Variants in MAST2 observed in about 807,000 individuals in gnomAD.
MAST2 encodes microtubule-associated serine/threonine-protein kinase 2.
A neutral mutation model predicts 147.4 loss-of-function variants in MAST2; 70 were observed. The ratio of observed to expected loss-of-function variants is 0.47; its 90% CI spans 0.39 to 0.58. MAST2 has a LOEUF of 0.58. MAST2 is among the 20% of genes least tolerant of loss of function. The probability of loss-of-function intolerance (pLI) is 0.00; values close to 1 mark genes in which losing one functional copy is unlikely to be tolerated. For missense variants in MAST2, 2,080 were observed against 2,302.3 expected (o/e 0.90, Z 1.98); for synonymous variants, 869 against 896.8 (o/e 0.97, Z 0.55).
At chr1:45,899,892 C>T (rs1570618452) in intron 4 of MAST2, among the ~76,000 whole-genome samples, 1 of 151,498 alleles carries the variant, frequency 6.6e-6, no homozygotes, top group Non-Finnish European at 1.5e-5. Context: ...CCCGGCCCAG[C>T]GCGATGGCTT....
intron 3 of MAST2, among the ~76,000 whole-genome samples, chr1:45,838,531 T>TTA (rs1645176028): frequency 6.6e-6 from 1 of 152,140 alleles, no homozygotes; most frequent in Non-Finnish European, 1.5e-5. Flanking sequence ...TCAGCTATTT[T>TTA]TATATATATA....
intron 4 of MAST2, among the ~76,000 whole-genome samples, chr1:45,947,138 A>G (rs1570872780): frequency 6.6e-6 from 1 of 152,068 alleles, no homozygotes; most frequent in East Asian, 1.9e-4. Flanking sequence ...TCCTTGTCCA[A>G]ATAAAGGGAT....
chr1:45,884,413 G>A (rs973719321), intron 4 of MAST2, among the ~76,000 whole-genome samples: 2 of 152,102 alleles, frequency 1.3e-5, no homozygotes, highest in East Asian at 1.9e-4. Flanking sequence ...TTAGCCGGGC[G>A]TCATGGCGTG....
In MAST2 at chr1:46,008,438, G is replaced by A; in HGVS notation, c.978+67G>A. On this transcript the variant is annotated intron_variant, in intron 9 of 28. Transcript: ENST00000361297. ...GTGGCTGCCTACAGCCAGCCCCAATGGGAGACTCTGGAGTGAAGGAATGAA... is the reference window on the plus strand; with the variant it reads ...GTGGCTGCCTACAGCCAGCCCCAATAGGAGACTCTGGAGTGAAGGAATGAA... 4.0e-6 allele frequency: 4 copies of A among 1,004,368 alleles called. No homozygotes were observed. In the South Asian group the frequency reaches 5.2e-5, roughly 13 times the overall value. 62.2% of individuals were successfully genotyped at this position (1,004,368 alleles called of 1,614,324 possible).
intron 3 of MAST2, among the ~76,000 whole-genome samples, chr1:45,835,374 AAC>A (rs1246190041): frequency 1.3e-5 from 2 of 152,172 alleles, no homozygotes; most frequent in Non-Finnish European, 1.5e-5. Flanking sequence ...TCTACTAAAA[AAC>A]AGTGTGAGAA....
At chr1:45,881,377 A>G (rs1646836368) in intron 3 of MAST2, among the ~76,000 whole-genome samples, 1 of 152,274 alleles carries the variant, frequency 6.6e-6, no homozygotes, top group South Asian at 2.1e-4. Flanking sequence ...CAACAGAGGA[A>G]TACATATAAT....
chr1:46,032,119 G>C (rs1251519948), intron 24 of MAST2, 59 bp from the exon 25 acceptor site: 3 of 1,311,786 alleles, frequency 2.3e-6, no homozygotes, highest in Non-Finnish European at 3.3e-6. Flanking sequence ...TCAACAGACT[G>C]GACCAGGGGC....
chr1:45,826,027 A>G (rs1031554006), intron 2 of MAST2, among the ~76,000 whole-genome samples: 1 of 152,040 alleles, frequency 6.6e-6, no homozygotes, highest in Non-Finnish European at 1.5e-5. Flanking sequence ...AGTGAGCATC[A>G]TTACACTCCA....
intron 4 of MAST2, among the ~76,000 whole-genome samples, chr1:45,884,927 T>C (rs979491477): frequency 6.6e-6 from 1 of 152,178 alleles, no homozygotes; most frequent in African/African-American, 2.4e-5. Flanking sequence ...TAAAGTTCCA[T>C]GGTACCTCTT....
chr1:45,909,157 C>G (rs1164280558), intron 4 of MAST2, among the ~76,000 whole-genome samples: 2 of 152,078 alleles, frequency 1.3e-5, no homozygotes, highest in Non-Finnish European at 2.9e-5. Context: ...CTTTAGGTAA[C>G]TCGACAGTAT....
intron 3 of MAST2, among the ~76,000 whole-genome samples, chr1:45,849,683 C>T (rs1162814001): frequency 6.6e-6 from 1 of 152,112 alleles, no homozygotes; most frequent in Non-Finnish European, 1.5e-5. Context: ...CCCGCCACCA[C>T]ACCCAGCTAA....
At chr1:45,969,132 G>A (rs561255548) in intron 5 of MAST2, among the ~76,000 whole-genome samples, 35 of 152,100 alleles carry the variant, frequency 2.3e-4, no homozygotes, top group South Asian at 1.5e-3. Flanking sequence ...ATTAATCATC[G>A]TTTTGAAAAA....
rs768469372 is a variant in MAST2 at position 46,022,042 on chromosome 1, C to T, written c.1383C>T (p.Tyr461=). 121 of 1,614,092 alleles carry T rather than the reference C, an allele frequency of 7.5e-5. No homozygotes were observed. Among genetic ancestry groups the T allele is most frequent in the Non-Finnish European group, 9.9e-5 (117 of 1,180,036 alleles). ...GGATTAAATGTGACATTCCCCGCTACATCGTTAGCCAGCTGGGCCTCACCC... is the reference window on the plus strand; with the variant it reads ...GGATTAAATGTGACATTCCCCGCTATATCGTTAGCCAGCTGGGCCTCACCC... ...GQGIKCDIPR[Y]IVSQLGLTRD... Residue 461 remains tyrosine (Y), a synonymous_variant, in exon 12 of 29, where the codon TAC becomes TAT. Coordinates refer to ENST00000361297, the MANE Select transcript of MAST2 (RefSeq NM_015112.3).
intron 4 of MAST2, among the ~76,000 whole-genome samples, chr1:45,884,617 G>A (rs1647001571): frequency 6.6e-6 from 1 of 152,122 alleles, no homozygotes; most frequent in Non-Finnish European, 1.5e-5. Context: ...AAGTTCTGAG[G>A]CTGTTAAGAT....
intron 5 of MAST2, among the ~76,000 whole-genome samples, chr1:45,991,509 A>G (rs1156395431): frequency 6.6e-6 from 1 of 152,216 alleles, no homozygotes; most frequent in African/African-American, 2.4e-5. Flanking sequence ...GTCTTCCATT[A>G]TGATCATGCA....
Position 46,030,193 on chromosome 1 carries a change from C to T in MAST2, c.2508C>T (p.Cys836=), listed in dbSNP as rs1166027106. 1.9e-6 allele frequency: 3 copies of T among 1,614,114 alleles called. No individual in the cohort carries two copies. Among genetic ancestry groups the T allele is most frequent in the Admixed American group, 1.7e-5 (1 of 60,008 alleles). The change falls in exon 21 of 29, where the codon TGC becomes TGT. Residue 836 remains cysteine, a synonymous_variant. Transcript: ENST00000361297. ...AGGAAGAAGTGAGTGAGGATGGCTG[C>T]CTTGAGATCCGCCAGTTCTCTTCCT... ...EDEEEVSEDG[C]LEIRQFSSCS... is the part of the protein sequence containing the mutation.
chr1:45,852,326 A>G (rs1259564689), intron 3 of MAST2, among the ~76,000 whole-genome samples: 1 of 152,006 alleles, frequency 6.6e-6, no homozygotes, highest in Non-Finnish European at 1.5e-5. Flanking sequence ...TCTTCTTGCA[A>G]CCACTAATGT....
chr1:45,918,212 C>G (rs1570708405), intron 4 of MAST2, among the ~76,000 whole-genome samples: 1 of 152,226 alleles, frequency 6.6e-6, no homozygotes, highest in Non-Finnish European at 1.5e-5. Flanking sequence ...GGTAGGTCCT[C>G]AGTGGTAAGT....
chr1:45,916,511 A>G (rs892387282), intron 4 of MAST2, among the ~76,000 whole-genome samples: 1 of 152,144 alleles, frequency 6.6e-6, no homozygotes, highest in Non-Finnish European at 1.5e-5. Flanking sequence ...GATTGTTTTT[A>G]TGGGAAAAAA....
Sources: gnomAD v4.1 joint callset for allele counts (sites outside exome capture counted in the v4.1 genomes callset) on GRCh38, gnomAD v4.1.1 for gene constraint, MANE v1.5 for transcripts, NCBI Gene and HGNC (gene_info 2026-07-23, HGNC 2026-07-21) for gene names.